Variants in ABCA12 observed in about 807,000 individuals in gnomAD.
ABCA12 encodes ATP binding cassette subfamily A member 12.
Under a neutral mutation model 293.5 loss-of-function variants are expected in ABCA12, and 156 were observed. The observed-to-expected ratio is 0.53, with a 90% CI of 0.47 to 0.61. The LOEUF (loss-of-function observed/expected upper bound fraction) is 0.61. Among genes scored for constraint, ABCA12 ranks in the 20% least tolerant of loss-of-function variants. The pLI, the probability that ABCA12 is intolerant of heterozygous loss-of-function variation, is 0.00. For missense variants in ABCA12, 2,797 were observed against 3,090.2 expected, an observed-to-expected ratio of 0.91 and a Z score of 2.25; for synonymous variants, 1,063 against 1,108.0, an observed-to-expected ratio of 0.96 and a Z score of 0.81.
intron 46 of ABCA12, 100 bp from the exon 47 acceptor site, chr2:214,948,837 A>G: frequency 6.9e-7 from 1 of 1,447,518 alleles, no homozygotes; most frequent in South Asian, 1.2e-5. Context: ...CATGGTGGTC[A>G]GTGACTTTGA....
At chr2:215,117,925 C>T (rs1473215060) in intron 1 of ABCA12, among the ~76,000 whole-genome samples, 2 of 152,080 alleles carry the variant, frequency 1.3e-5, no homozygotes, top group African/African-American at 2.4e-5. Flanking sequence ...TTATTGTTTT[C>T]GATGAAATGT....
intron 2 of ABCA12, among the ~76,000 whole-genome samples, chr2:215,089,116 G>A (rs1328459961): frequency 6.6e-6 from 1 of 151,662 alleles, no homozygotes; most frequent in African/African-American, 2.4e-5. Flanking sequence ...TGGGATCTAG[G>A]AAACAAGATA....
At chr2:215,116,257 A>G (rs1321192947) in intron 1 of ABCA12, among the ~76,000 whole-genome samples, 1 of 152,092 alleles carries the variant, frequency 6.6e-6, no homozygotes, top group Non-Finnish European at 1.5e-5. Flanking sequence ...GAAAACACCT[A>G]TTTTTCCAAA....
chr2:214,980,410 G>A, intron 31 of ABCA12, 73 bp downstream of exon 31: 1 of 1,582,900 alleles, frequency 6.3e-7, no homozygotes, highest in Non-Finnish European at 8.6e-7. Flanking sequence ...TAAAGTTGGA[G>A]AGACTCTGCT....
Position 214,970,248 on chromosome 2 carries a change from ATATGTTATAAACAGAT to A in ABCA12, c.5690+9_5690+24del. 1.3e-6 allele frequency: 2 copies of A among 1,594,284 alleles called. No homozygotes were observed. Among genetic ancestry groups the A allele is most frequent in the Non-Finnish European group, 1.7e-6 (2 of 1,168,606 alleles). The stretch of plus-strand genomic sequence containing the variant: ...ACCATTAAAATTAGCAAGCAATTAA[ATATGTTATAAACAGAT>A]TATTTTACCTTTTTTGGACAAACTC... On this transcript the variant is annotated intron_variant, in intron 37 of 52. Coordinates refer to ENST00000272895, the MANE Select transcript of ABCA12 (RefSeq NM_173076.3).
At chr2:214,951,532 G>A (rs542440452) in intron 44 of ABCA12, among the ~76,000 whole-genome samples, 26 of 152,174 alleles carry the variant, frequency 1.7e-4, no homozygotes, top group African/African-American at 5.1e-4. Flanking sequence ...AGAGGCCGAC[G>A]GATCACCTGA....
At chr2:214,973,817 C>G (rs1444529886) in intron 36 of ABCA12, 132 bp downstream of exon 36, 2 of 784,748 alleles carry the variant, frequency 2.5e-6, no homozygotes, top group African/African-American at 3.4e-5. Context: ...CTGCCCAGAT[C>G]CATATTTCTG....
intron 2 of ABCA12, among the ~76,000 whole-genome samples, chr2:215,077,667 A>C (rs1701859294): frequency 2.0e-5 from 3 of 152,186 alleles, no homozygotes; most frequent in African/African-American, 7.2e-5. Context: ...ATAATCCTTC[A>C]AACTTTTGGT....
intron 8 of ABCA12, among the ~76,000 whole-genome samples, chr2:215,033,388 G>T (rs1024508576): frequency 5.3e-5 from 8 of 152,132 alleles, no homozygotes; most frequent in African/African-American, 1.9e-4. Flanking sequence ...ATTGGTATTT[G>T]TAATACTATG....
chr2:214,959,382 A>T (rs201089839), intron 39 of ABCA12, among the ~76,000 whole-genome samples: 1 of 151,942 alleles, frequency 6.6e-6, no homozygotes, highest in East Asian at 1.9e-4. Flanking sequence ...AGTATGTTCC[A>T]TTTTTTTCCT....
intron 7 of ABCA12, among the ~76,000 whole-genome samples, chr2:215,042,868 CTGG>C (rs1701127542): frequency 6.6e-6 from 1 of 152,186 alleles, no homozygotes; most frequent in Non-Finnish European, 1.5e-5. Flanking sequence ...CACCCAACCT[CTGG>C]TAATCATTAT....
intron 1 of ABCA12, among the ~76,000 whole-genome samples, chr2:215,128,433 A>C (rs1702975828): frequency 6.6e-6 from 1 of 152,180 alleles, no homozygotes; most frequent in Admixed American, 6.5e-5. Context: ...AGGAACACCA[A>C]TTATTCTTAG....
At position 214,953,023 on chromosome 2, in the gene ABCA12, C is replaced by T. The variant is rs1452496422; in HGVS notation, c.6647+831G>A. On this transcript the variant is annotated intron_variant, in intron 44 of 52. Coordinates refer to ENST00000272895, the MANE Select transcript of ABCA12 (RefSeq NM_173076.3). ...GTCATCTTCAACTGTATATATCTCTCATCAGCAGAGGCACTCACAATTAGA... is the reference window on the plus strand; with the variant it reads ...GTCATCTTCAACTGTATATATCTCTTATCAGCAGAGGCACTCACAATTAGA... Among the ~76,000 whole-genome samples the T allele has an allele frequency of 5.9e-5, 9 of 152,288 alleles. No homozygotes were observed. In the East Asian group the frequency reaches 1.7e-3, roughly 29 times the overall value.
At chr2:215,136,548 A>G (rs992039582) in intron 1 of ABCA12, among the ~76,000 whole-genome samples, 3 of 152,098 alleles carry the variant, frequency 2.0e-5, no homozygotes, top group African/African-American at 7.2e-5. Context: ...ACACGTACAG[A>G]TTTTAGTTCC....
At chr2:215,044,930 T>C (rs6707504) in intron 7 of ABCA12, among the ~76,000 whole-genome samples, 21,941 of 152,164 alleles carry the variant, frequency 0.14, 4,777 homozygotes, top group African/African-American at 0.47. Flanking sequence ...ATTAGTGACA[T>C]ATAAGAGAGG....
chr2:215,011,867 T>TG lies in ABCA12; in HGVS notation c.2121+103_2121+104insC, dbSNP rs1459535938. 119 of 1,299,430 alleles carry TG rather than the reference T, an allele frequency of 9.2e-5. No individual in the cohort carries two copies. In the African/African-American group the frequency reaches 1.6e-3, roughly 17 times the overall value. The allele number at this position is 1,299,430 out of a possible 1,614,324, so 80.5% of individuals were successfully genotyped here. On this transcript the variant is annotated intron_variant, in intron 16 of 52. Coordinates refer to ENST00000272895, the MANE Select transcript of ABCA12 (RefSeq NM_173076.3). ...AGAAGAGTTTTCTTGTAGGTGTTGTTTTTTTTTTTTTCAATGTACTACGAT... is the reference window on the plus strand; with the variant it reads ...AGAAGAGTTTTCTTGTAGGTGTTGTTGTTTTTTTTTTTCAATGTACTACGAT...
chr2:215,053,236 C>T (rs193043497), intron 4 of ABCA12, among the ~76,000 whole-genome samples: 1 of 152,098 alleles, frequency 6.6e-6, no homozygotes, highest in Non-Finnish European at 1.5e-5. Flanking sequence ...AGACGACATT[C>T]CTATCTATAA....
intron 38 of ABCA12, among the ~76,000 whole-genome samples, chr2:214,967,645 A>C (rs1160835837): frequency 6.6e-6 from 1 of 152,168 alleles, no homozygotes; most frequent in Non-Finnish European, 1.5e-5. Flanking sequence ...AAGAAAGAAA[A>C]GGAAAGCACT....
chr2:214,999,474 G>A (rs1378610563), intron 22 of ABCA12, among the ~76,000 whole-genome samples: 1 of 152,118 alleles, frequency 6.6e-6, no homozygotes, highest in African/African-American at 2.4e-5. Flanking sequence ...AGGTTGTTGG[G>A]TGAAACAAAT....
Sources: allele counts gnomAD v4.1 joint callset (sites outside exome capture counted in the v4.1 genomes callset), GRCh38; gene constraint gnomAD v4.1.1; transcripts MANE v1.5; gene names NCBI Gene and HGNC (gene_info 2026-07-23, HGNC 2026-07-21).